Variants in COMMD1 observed in about 807,000 individuals in gnomAD.
The protein encoded by COMMD1 is copper metabolism domain containing 1.
A neutral mutation model predicts 17.2 loss-of-function variants in COMMD1; 10 were observed. The observed-to-expected ratio is 0.58, with a 90% CI of 0.36 to 0.99. The LOEUF (loss-of-function observed/expected upper bound fraction) is 0.99, where lower values mean the gene tolerates loss of function less well. COMMD1 is among the 50% of genes least tolerant of loss of function. The probability of loss-of-function intolerance (pLI) is 0.01; values close to 1 mark genes in which losing one functional copy is unlikely to be tolerated. For missense variants in COMMD1, 270 were observed against 231.8 expected, an observed-to-expected ratio of 1.17 and a Z score of -1.07; for synonymous variants, 97 against 91.6, an observed-to-expected ratio of 1.06 and a Z score of -0.34.
chr2:61,907,876 C>T (rs962498907), intron 1 of COMMD1, among the ~76,000 whole-genome samples: 4 of 151,796 alleles, frequency 2.6e-5, no homozygotes, highest in East Asian at 1.9e-4. Context: ...TTTTTAGTAG[C>T]GACAGGGTTT....
At chr2:61,933,772 C>CTTTTTTTT (rs61702772) in intron 1 of COMMD1, among the ~76,000 whole-genome samples, 1,495 of 148,622 alleles carry the variant, frequency 0.01, 17 homozygotes, top group African/African-American at 0.012. Flanking sequence ...TTCTTTTTTT[C>CTTTTTTTT]TTTTTTTTGA....
intron 1 of COMMD1, among the ~76,000 whole-genome samples, chr2:61,913,887 C>G (rs1034953723): frequency 1.3e-5 from 2 of 150,102 alleles, no homozygotes; most frequent in African/African-American, 2.5e-5. Context: ...ATATTTGGAA[C>G]CCCCCTGGGT....
intron 2 of COMMD1, among the ~76,000 whole-genome samples, chr2:62,130,035 C>T (rs919532047): frequency 6.6e-6 from 1 of 151,438 alleles, no homozygotes; most frequent in African/African-American, 2.4e-5. Context: ...ATTAGCCGGG[C>T]GTGGTGGTGG....
At chr2:62,126,428 G>T (rs1230939346) in intron 2 of COMMD1, among the ~76,000 whole-genome samples, 1 of 152,114 alleles carries the variant, frequency 6.6e-6, no homozygotes, top group Non-Finnish European at 1.5e-5. Context: ...AACCTTACTA[G>T]CATCTGTTGT....
intron 1 of COMMD1, among the ~76,000 whole-genome samples, chr2:61,971,095 G>T (rs1454174049): frequency 2.0e-5 from 3 of 152,164 alleles, no homozygotes; most frequent in African/African-American, 7.2e-5. Context: ...TTTTTGTAAA[G>T]ACAGAGTTTT....
intron 2 of COMMD1, among the ~76,000 whole-genome samples, chr2:62,115,860 C>CTTTTT (rs1240965232): frequency 2.8e-4 from 12 of 43,352 alleles, no homozygotes; most frequent in Non-Finnish European, 3.9e-4. Context: ...TTCTTTCTTT[C>CTTTTT]TTTTTTTTTT....
At chr2:61,945,728 A>G (rs1670887516) in intron 1 of COMMD1, among the ~76,000 whole-genome samples, 2 of 152,184 alleles carry the variant, frequency 1.3e-5, no homozygotes, top group Admixed American at 1.3e-4. Flanking sequence ...TGTAAGATTT[A>G]CATTGGTTTA....
chr2:61,922,481 C>T (rs777686779), intron 1 of COMMD1, among the ~76,000 whole-genome samples: 3 of 152,112 alleles, frequency 2.0e-5, no homozygotes, highest in Non-Finnish European at 2.9e-5. Context: ...CTATGCCTGG[C>T]TAATTTTGTA....
intron 1 of COMMD1, among the ~76,000 whole-genome samples, chr2:61,981,714 GA>G (rs998703803): frequency 1.3e-5 from 2 of 152,144 alleles, no homozygotes; most frequent in African/African-American, 4.8e-5. Context: ...CTTGTGCAGG[GA>G]AACTCCTTTA....
At chr2:62,060,312 C>T (rs1392763793) in intron 2 of COMMD1, among the ~76,000 whole-genome samples, 1 of 152,066 alleles carries the variant, frequency 6.6e-6, no homozygotes, top group African/African-American at 2.4e-5. Flanking sequence ...GCCTGGGTGA[C>T]AGAGTGAGAT....
At chr2:61,963,306 T>C (rs1194651426) in intron 1 of COMMD1, among the ~76,000 whole-genome samples, 1 of 151,960 alleles carries the variant, frequency 6.6e-6, no homozygotes, top group Admixed American at 6.6e-5. Flanking sequence ...TCCACCAAAT[T>C]ATTGAACCTG....
At chr2:61,992,491 C>T (rs1672276644) in intron 1 of COMMD1, among the ~76,000 whole-genome samples, 1 of 152,110 alleles carries the variant, frequency 6.6e-6, no homozygotes, top group Non-Finnish European at 1.5e-5. Context: ...AAACATCAGC[C>T]CACAGGTGGT....
intron 2 of COMMD1, among the ~76,000 whole-genome samples, chr2:62,056,599 G>A (rs1672402119): frequency 1.3e-5 from 2 of 152,236 alleles, no homozygotes; most frequent in African/African-American, 4.8e-5. Context: ...GGGGCGATGA[G>A]TGAACATTAG....
At chr2:62,125,059 G>A (rs900534377) in intron 2 of COMMD1, among the ~76,000 whole-genome samples, 4 of 152,126 alleles carry the variant, frequency 2.6e-5, no homozygotes, top group Admixed American at 6.6e-5. Flanking sequence ...TCAGGTTGTC[G>A]TCACAAAAAT....
At chr2:62,070,799 G>A (rs1379898019) in intron 2 of COMMD1, among the ~76,000 whole-genome samples, 1 of 152,232 alleles carries the variant, frequency 6.6e-6, no homozygotes, top group Non-Finnish European at 1.5e-5. Context: ...GGAGGCCAAG[G>A]CGTGCAGATC....
At chr2:62,118,838 G>A (rs1181157352) in intron 2 of COMMD1, 1 of 152,136 alleles carries the variant, frequency 6.6e-6, no homozygotes, top group Non-Finnish European at 1.5e-5. Flanking sequence ...TCTTATTTAT[G>A]GACTAAATAC....
rs1304117244 is a variant in COMMD1, at chr2:62,082,720, C to T, written c.463-53111C>T. Among the ~76,000 whole-genome samples the T allele has an allele frequency of 3.9e-5, 6 of 152,192 alleles. No homozygotes were observed. The South Asian group carries it at 6.2e-4, about 16-fold the overall frequency. On this transcript the variant is annotated intron_variant, in intron 2 of 2. Transcript: ENST00000311832. Reference sequence around the variant, plus strand: ...ACTAAAAATACAAAAATTAGCTGAGCGTGGTGGCACGTGCCTGTAGTCCCA... The same window carrying T: ...ACTAAAAATACAAAAATTAGCTGAGTGTGGTGGCACGTGCCTGTAGTCCCA...
chr2:61,953,064 C>T (rs1270466677), intron 1 of COMMD1, among the ~76,000 whole-genome samples: 4 of 152,170 alleles, frequency 2.6e-5, no homozygotes, highest in African/African-American at 9.7e-5. Flanking sequence ...GGCTGGAGTG[C>T]AGTGGCATGA....
intron 1 of COMMD1, among the ~76,000 whole-genome samples, chr2:61,970,067 G>C (rs1671605639): frequency 1.3e-5 from 2 of 152,074 alleles, no homozygotes; most frequent in East Asian, 1.9e-4. Flanking sequence ...GACCAGCCTG[G>C]CCAATATGAT....
Sources: allele counts gnomAD v4.1 joint callset (sites outside exome capture counted in the v4.1 genomes callset), GRCh38; gene constraint gnomAD v4.1.1; transcripts MANE v1.5; gene names NCBI Gene and HGNC (gene_info 2026-07-23, HGNC 2026-07-21).